NEDD9: variants seen among roughly 807,000 people sequenced by gnomAD.
The protein encoded by NEDD9 is neural precursor cell expressed, developmentally down-regulated 9.
In NEDD9, 26 loss-of-function variants were observed where a neutral mutation model predicts 76.6. The observed-to-expected ratio is 0.34, with a 90% CI of 0.25 to 0.47. The LOEUF (loss-of-function observed/expected upper bound fraction) is 0.47. Among genes scored for constraint, NEDD9 ranks in the 20% least tolerant of loss-of-function variants. The probability of loss-of-function intolerance (pLI) is 1.00; values close to 1 mark genes in which losing one functional copy is unlikely to be tolerated. For missense variants in NEDD9, 937 were observed against 1,058.5 expected (o/e 0.89, Z 1.59); for synonymous variants, 392 against 414.2 (o/e 0.95, Z 0.65).
At chr6:11,323,223 C>G (rs1338257848) in intron 2 of NEDD9, among the ~76,000 whole-genome samples, 1 of 152,368 alleles carries the variant, frequency 6.6e-6, no homozygotes, top group East Asian at 1.9e-4. Flanking sequence ...ATCTAACTCT[C>G]TTTGGATGAA....
Position 11,193,816 on chromosome 6 carries a change from G to A in NEDD9, c.460-124C>T, listed in dbSNP as rs983560115. On this transcript the variant is annotated intron_variant, in intron 2 of 6. Transcript: ENST00000379446. ...AAAAGATAGAAAGAAACCAAAGAAA[G>A]AAGACATAACAGGAAGGAGACAAGT... The A allele has an allele frequency of 5.7e-4, 329 of 573,784 alleles. 1 individual carries two copies. Among genetic ancestry groups the A allele is most frequent in the Non-Finnish European group, 8.9e-4 (290 of 327,258 alleles). 35.5% of individuals were successfully genotyped at this position (573,784 alleles called of 1,614,324 possible). A position where few individuals can be genotyped will look rare whatever the true frequency, so the allele number is the denominator to read the frequency against.
At chr6:11,356,778 A>G (rs2113544983) in intron 1 of NEDD9, among the ~76,000 whole-genome samples, 1 of 126,092 alleles carries the variant, frequency 7.9e-6, no homozygotes, top group East Asian at 2.7e-4. Context: ...TAAATTATTG[A>G]TGAATAAATG....
chr6:11,223,236 A>G (rs779124926), intron 1 of NEDD9, among the ~76,000 whole-genome samples: 1 of 152,240 alleles, frequency 6.6e-6, no homozygotes, highest in Non-Finnish European at 1.5e-5. Flanking sequence ...ACATTTGAAG[A>G]CTAATGACCA....
chr6:11,250,386 T>C (rs1759895357), intron 3 of NEDD9, among the ~76,000 whole-genome samples: 1 of 152,210 alleles, frequency 6.6e-6, no homozygotes, highest in Admixed American at 6.5e-5. Context: ...TCCATTAATT[T>C]CTTTGTCAAG....
At chr6:11,349,163 G>T (rs1210487130) in intron 1 of NEDD9, among the ~76,000 whole-genome samples, 2 of 152,128 alleles carry the variant, frequency 1.3e-5, no homozygotes, top group Non-Finnish European at 2.9e-5. Context: ...ACAAGCATAT[G>T]AAAAAAGCTT....
At chr6:11,185,722 A>C in intron 6 of NEDD9, 51 bp from the exon 7 acceptor site, 1 of 1,598,712 alleles carries the variant, frequency 6.3e-7, no homozygotes, top group Non-Finnish European at 8.5e-7. Flanking sequence ...GTGTGTTGCA[A>C]TGGAAATTCA....
At chr6:11,262,038 G>GA (rs1760125270) in intron 3 of NEDD9, among the ~76,000 whole-genome samples, 1 of 152,138 alleles carries the variant, frequency 6.6e-6, no homozygotes, top group African/African-American at 2.4e-5. Context: ...TAAAGAAACA[G>GA]AAAAATTGAG....
chr6:11,242,340 G>C (rs183526491), intron 3 of NEDD9, among the ~76,000 whole-genome samples: 28 of 152,276 alleles, frequency 1.8e-4, no homozygotes, highest in East Asian at 1.3e-3. Context: ...TTTCAGACTT[G>C]ACGATGTAGA....
intron 1 of NEDD9, among the ~76,000 whole-genome samples, chr6:11,365,500 T>A (rs905513012): frequency 6.6e-6 from 1 of 152,194 alleles, no homozygotes; most frequent in Admixed American, 6.5e-5. Flanking sequence ...CAAAGCTTCT[T>A]ATGTATAGTA....
intron 1 of NEDD9, among the ~76,000 whole-genome samples, chr6:11,216,259 A>C (rs1758950395): frequency 6.6e-6 from 1 of 152,154 alleles, no homozygotes; most frequent in Non-Finnish European, 1.5e-5. Flanking sequence ...CTATTCACAC[A>C]CCGATACATA....
rs907206248 is a variant in NEDD9 at position 11,213,796 on chromosome 6, G to A, written c.13-69C>T. ...TCGGTCCCTTTATCACCTAAGGCCC[G>A]TGCTCTTATGGAAAGGCACACTTCC... On this transcript the variant is annotated intron_variant, in intron 1 of 6. Transcript: ENST00000379446. The surrounding 1 kb of genome is among the most constrained non-coding windows in gnomAD (Gnocchi z 5.4). 105 of 1,398,552 alleles carry A rather than the reference G, an allele frequency of 7.5e-5. No individual in the cohort carries two copies. The highest frequency in any genetic ancestry group is 3.2e-4 in the East Asian group (14 of 43,572). 86.6% of individuals were successfully genotyped at this position (1,398,552 alleles called of 1,614,324 possible). A position where few individuals can be genotyped will look rare whatever the true frequency, so the allele number is the denominator to read the frequency against.
intron 3 of NEDD9, among the ~76,000 whole-genome samples, chr6:11,263,400 G>A (rs1341662681): frequency 6.6e-6 from 1 of 152,166 alleles, no homozygotes; most frequent in East Asian, 1.9e-4. Flanking sequence ...TGCATATTTA[G>A]CCACTCTCAA....
At chr6:11,319,239 G>A (rs781550282) in intron 2 of NEDD9, among the ~76,000 whole-genome samples, 1 of 152,224 alleles carries the variant, frequency 6.6e-6, no homozygotes, top group Non-Finnish European at 1.5e-5. Flanking sequence ...CCTGGCCCAG[G>A]CTGGGTGCCT....
At chr6:11,268,378 A>G (rs1386193178) in intron 3 of NEDD9, among the ~76,000 whole-genome samples, 3 of 152,254 alleles carry the variant, frequency 2.0e-5, no homozygotes, top group East Asian at 3.9e-4. Flanking sequence ...AAGAAGAATG[A>G]AAGAACAGAT....
intron 1 of NEDD9, among the ~76,000 whole-genome samples, chr6:11,223,791 T>G (rs998319745): frequency 2.6e-5 from 4 of 152,192 alleles, no homozygotes; most frequent in Admixed American, 1.3e-4. Context: ...TGGCTTTATT[T>G]CTAAAGATGC....
At chr6:11,365,742 C>T (rs756651028) in intron 1 of NEDD9, among the ~76,000 whole-genome samples, 2 of 152,190 alleles carry the variant, frequency 1.3e-5, no homozygotes, top group Non-Finnish European at 2.9e-5. Context: ...GTAATCCCAG[C>T]ACTTTGGGAG....
chr6:11,210,209 C>T (rs1758738348), intron 2 of NEDD9, among the ~76,000 whole-genome samples: 1 of 152,088 alleles, frequency 6.6e-6, no homozygotes, highest in Non-Finnish European at 1.5e-5. Flanking sequence ...GATTCCTGGG[C>T]CCCCAACCAG....
Position 11,340,423 on chromosome 6 carries a change from A to C in NEDD9, c.-213-5862T>G, listed in dbSNP as rs1193938707. ...TTCATATGCACCAGGTATAATTTAG[A>C]GAATTTGACAGGAATTATATGCACC... is the stretch of plus-strand genomic sequence containing the variant. On this transcript the variant is annotated intron_variant, in intron 1 of 3. Transcript: ENST00000397378. Among the ~76,000 whole-genome samples, 9 of 152,272 alleles carry C rather than the reference A, an allele frequency of 5.9e-5. No individual in the cohort carries two copies. In the East Asian group the frequency reaches 1.7e-3, roughly 29 times the overall value.
intron 3 of NEDD9, among the ~76,000 whole-genome samples, chr6:11,240,359 C>T (rs1486331367): frequency 6.6e-6 from 1 of 152,204 alleles, no homozygotes; most frequent in African/African-American, 2.4e-5. Context: ...CTTACAACCA[C>T]CACTCCTACT....
Sources: allele counts gnomAD v4.1 joint callset (sites outside exome capture counted in the v4.1 genomes callset), GRCh38; gene constraint gnomAD v4.1.1; non-coding constraint Gnocchi (gnomAD v3.1); transcripts MANE v1.5; gene names NCBI Gene and HGNC (gene_info 2026-07-23, HGNC 2026-07-21).